The following GRM5 variants were observed in gnomAD, a reference collection of about 807,000 sequenced individuals.
GRM5 encodes metabotropic glutamate receptor 5.
GRM5 carries 19 observed loss-of-function variants against 83.1 expected under a neutral mutation model. That is an observed-to-expected ratio of 0.23 (90% CI 0.16 to 0.34). GRM5 has a LOEUF of 0.34. Among genes scored for constraint, GRM5 ranks in the 10% least tolerant of loss-of-function variants. GRM5 has a pLI of 1.00. For missense variants in GRM5, 1,160 were observed against 1,588.3 expected (o/e 0.73, Z 4.58); for synonymous variants, 675 against 633.6 (o/e 1.07, Z -0.98).
chr11:88,900,875 G>T (rs1377308856), intron 2 of GRM5, among the ~76,000 whole-genome samples: 3 of 152,150 alleles, frequency 2.0e-5, no homozygotes, highest in Non-Finnish European at 4.4e-5. Context: ...CTGGGAAAAT[G>T]ATGTTGTCAA....
At chr11:88,879,849 C>T (rs1944922752) in intron 2 of GRM5, among the ~76,000 whole-genome samples, 1 of 151,968 alleles carries the variant, frequency 6.6e-6, no homozygotes, top group Non-Finnish European at 1.5e-5. Context: ...TCTTTCTTTG[C>T]AGCAAATTTT....
intron 2 of GRM5, among the ~76,000 whole-genome samples, chr11:88,932,867 C>T (rs912174775): frequency 3.3e-5 from 5 of 151,776 alleles, no homozygotes; most frequent in African/African-American, 4.8e-5. Flanking sequence ...TTGATGTTGC[C>T]GAAATGCCTG....
intron 7 of GRM5, among the ~76,000 whole-genome samples, chr11:88,570,571 A>ATATATATATATATATTTTT (rs1405339448): frequency 8.6e-5 from 4 of 46,376 alleles, no homozygotes; most frequent in African/African-American, 4.0e-4. Context: ...ATATATATAT[A>ATATATATATATATATTTTT]TTTTTTTTTT....
intron 5 of GRM5, among the ~76,000 whole-genome samples, chr11:88,603,315 T>C (rs1938051542): frequency 6.6e-6 from 1 of 152,264 alleles, no homozygotes; most frequent in South Asian, 2.1e-4. Context: ...AACTCTTGAA[T>C]TGGTGGAGCT....
intron 2 of GRM5, among the ~76,000 whole-genome samples, chr11:89,000,489 G>A (rs1940342624): frequency 6.6e-6 from 1 of 152,072 alleles, no homozygotes; most frequent in South Asian, 2.1e-4. Flanking sequence ...TGATATTGGA[G>A]TAAGTCATCA....
chr11:88,688,236 G>A (rs1219024013), intron 3 of GRM5, among the ~76,000 whole-genome samples: 1 of 152,046 alleles, frequency 6.6e-6, no homozygotes, highest in Non-Finnish European at 1.5e-5. Flanking sequence ...ATGTCCTGCA[G>A]GCACTAAATA....
At chr11:89,020,654 T>G (rs2135107389) in intron 2 of GRM5, among the ~76,000 whole-genome samples, 1 of 152,326 alleles carries the variant, frequency 6.6e-6, no homozygotes, top group African/African-American at 2.4e-5. Flanking sequence ...GGAGGAACCA[T>G]CGATTCCAGC....
chr11:88,845,555 T>G (rs1249146935), intron 3 of GRM5, among the ~76,000 whole-genome samples: 1 of 148,740 alleles, frequency 6.7e-6, no homozygotes, highest in African/African-American at 2.5e-5. Flanking sequence ...TGCCTCAGCC[T>G]CCAGAGTAGC....
intron 7 of GRM5, among the ~76,000 whole-genome samples, chr11:88,573,970 G>C (rs1441399533): frequency 6.6e-6 from 1 of 152,088 alleles, no homozygotes. Context: ...CCATAATTCA[G>C]AGAATTTGAA....
intron 2 of GRM5, among the ~76,000 whole-genome samples, chr11:88,881,080 A>T (rs1238841088): frequency 6.6e-6 from 1 of 152,108 alleles, no homozygotes; most frequent in East Asian, 1.9e-4. Context: ...TTGATCCCTT[A>T]GTAGGATTTA....
intron 3 of GRM5, among the ~76,000 whole-genome samples, chr11:88,849,638 C>G (rs1162015615): frequency 6.6e-6 from 1 of 152,128 alleles, no homozygotes; most frequent in Non-Finnish European, 1.5e-5. Flanking sequence ...ATATAAAAAT[C>G]CATTTCATTA....
At chr11:88,886,820 T>G (rs1203153353) in intron 2 of GRM5, among the ~76,000 whole-genome samples, 3 of 152,132 alleles carry the variant, frequency 2.0e-5, no homozygotes, top group Admixed American at 6.5e-5. Context: ...ATTTTATAGT[T>G]CAGGGAGGTA....
At chr11:89,002,372 A>G (rs1343755831) in intron 2 of GRM5, among the ~76,000 whole-genome samples, 1 of 152,136 alleles carries the variant, frequency 6.6e-6, no homozygotes, top group Admixed American at 6.6e-5. Flanking sequence ...ACATTAGATA[A>G]AGTGCACAGA....
At chr11:88,706,576 A>T (rs888247491) in intron 3 of GRM5, among the ~76,000 whole-genome samples, 1 of 152,104 alleles carries the variant, frequency 6.6e-6, no homozygotes, top group African/African-American at 2.4e-5. Flanking sequence ...GGAAGGTGCT[A>T]TTAATAATTT....
At chr11:89,036,961 A>G (rs1453058961) in intron 2 of GRM5, among the ~76,000 whole-genome samples, 2 of 152,092 alleles carry the variant, frequency 1.3e-5, no homozygotes, top group African/African-American at 4.8e-5. Context: ...TAAATTTTAG[A>G]CTTGAGTATA....
At chr11:88,708,220 G>A (rs979347128) in intron 3 of GRM5, among the ~76,000 whole-genome samples, 12 of 152,098 alleles carry the variant, frequency 7.9e-5, no homozygotes, top group Non-Finnish European at 8.8e-5. Context: ...TCCCAGGTTC[G>A]CTCCCCTTTT....
chr11:88,849,038 C>T (rs1384441651), intron 3 of GRM5, among the ~76,000 whole-genome samples: 1 of 152,068 alleles, frequency 6.6e-6, no homozygotes, highest in Non-Finnish European at 1.5e-5. Context: ...TTAATATTAT[C>T]AACTTTCATA....
At chr11:88,935,390 A>C (rs1937858497) in intron 2 of GRM5, among the ~76,000 whole-genome samples, 1 of 151,684 alleles carries the variant, frequency 6.6e-6, no homozygotes, top group Admixed American at 6.6e-5. Flanking sequence ...AAAAATCATC[A>C]CTCTTCCAAT....
At chr11:88,640,998 A>C (rs1047798475) in intron 4 of GRM5, among the ~76,000 whole-genome samples, 3 of 152,168 alleles carry the variant, frequency 2.0e-5, no homozygotes, top group African/African-American at 7.2e-5. Flanking sequence ...AATTGCTATA[A>C]AGAAATACTT....
Sources: gnomAD v4.1 joint callset for allele counts (sites outside exome capture counted in the v4.1 genomes callset) on GRCh38, gnomAD v4.1.1 for gene constraint, MANE v1.5 for transcripts, NCBI Gene and HGNC (gene_info 2026-07-23, HGNC 2026-07-21) for gene names.